LSM14A: variants seen among roughly 807,000 people sequenced by gnomAD.
The protein encoded by LSM14A is LSM14A mRNA processing body assembly factor, also known as protein LSM14 homolog A.
A neutral mutation model predicts 52.4 loss-of-function variants in LSM14A; 14 were observed. The ratio of observed to expected loss-of-function variants is 0.27; its 90% CI spans 0.18 to 0.42. The LOEUF (loss-of-function observed/expected upper bound fraction) is 0.42. LSM14A is among the 10% of genes least tolerant of loss of function. The pLI, the probability that LSM14A is intolerant of heterozygous loss-of-function variation, is 1.00. For missense variants in LSM14A, 417 were observed against 581.8 expected (o/e 0.72, Z 2.91); for synonymous variants, 185 against 200.3 (o/e 0.92, Z 0.64).
At chr19:34,226,509 G>C in intron 9 of LSM14A, 1 of 1,459,840 alleles carries the variant, frequency 6.9e-7, no homozygotes, top group Non-Finnish European at 9.1e-7. Context: ...TTGGCTTTGT[G>C]GGGGACAGCA....
chr19:34,191,426 C>G (rs140423117), intron 1 of LSM14A, among the ~76,000 whole-genome samples: 1 of 152,074 alleles, frequency 6.6e-6, no homozygotes, highest in Non-Finnish European at 1.5e-5. Context: ...AAGACCGTGT[C>G]CTCTTTGATT....
chr19:34,202,365 C>T (rs996085719), intron 3 of LSM14A, among the ~76,000 whole-genome samples: 2 of 151,214 alleles, frequency 1.3e-5, no homozygotes, highest in African/African-American at 4.9e-5. Flanking sequence ...TGGTGGCACA[C>T]TCCTGTAATC....
chr19:34,226,805 G>A (rs1403483653), intron 9 of LSM14A, among the ~76,000 whole-genome samples: 1 of 152,086 alleles, frequency 6.6e-6, no homozygotes, highest in Non-Finnish European at 1.5e-5. Context: ...TTCCTCACTG[G>A]TTACTTTTTA....
chr19:34,210,933 G>A (rs900852906), intron 4 of LSM14A, among the ~76,000 whole-genome samples: 3 of 152,010 alleles, frequency 2.0e-5, no homozygotes, highest in Admixed American at 6.5e-5. Context: ...ATTGAAATTA[G>A]CATTATTCAT....
At chr19:34,185,866 A>G (rs900765768) in intron 1 of LSM14A, among the ~76,000 whole-genome samples, 4 of 152,212 alleles carry the variant, frequency 2.6e-5, no homozygotes, top group Admixed American at 6.6e-5. Flanking sequence ...CTGCTTTTGC[A>G]TGTAGACTGT....
chr19:34,193,620 G>A (rs1044021221), intron 1 of LSM14A, among the ~76,000 whole-genome samples: 3 of 152,134 alleles, frequency 2.0e-5, no homozygotes, highest in African/African-American at 7.2e-5. Context: ...TAATTATATG[G>A]TAGATATTTT....
chr19:34,196,675 T>G lies in LSM14A; in HGVS notation c.327T>G (p.Gly109=), dbSNP rs1238284338. ...GSSTSSFQSM[G]SYGPFGRMPT... ...CGACTTCTTCATTCCAGTCCATGGG[T>G]TCTTATGGACCTTTCGGCAGGATGC... Residue 109 remains glycine (G), a synonymous_variant, in exon 3 of 10, where the codon GGT becomes GGG. Coordinates refer to ENST00000544216, the MANE Select transcript of LSM14A (RefSeq NM_015578.4). 1 of 1,612,684 alleles carries G rather than the reference T, an allele frequency of 6.2e-7. No homozygotes were observed. Among genetic ancestry groups the G allele is most frequent in the Non-Finnish European group, 8.5e-7 (1 of 1,179,242 alleles).
At chr19:34,180,075 A>G (rs573346854) in intron 1 of LSM14A, among the ~76,000 whole-genome samples, 13 of 152,010 alleles carry the variant, frequency 8.6e-5, no homozygotes, top group Non-Finnish European at 1.8e-4. Context: ...ACACACCACC[A>G]CACCCAGCTA....
At chr19:34,206,868 A>G (rs992910894) in intron 3 of LSM14A, among the ~76,000 whole-genome samples, 1 of 152,242 alleles carries the variant, frequency 6.6e-6, no homozygotes, top group Non-Finnish European at 1.5e-5. Flanking sequence ...AGGATTGTAT[A>G]TGATGACAAA....
At chr19:34,218,014 T>C (rs66955810) in intron 6 of LSM14A, among the ~76,000 whole-genome samples, 21,384 of 87,896 alleles carry the variant, frequency 0.24, 2,049 homozygotes, top group Non-Finnish European at 0.34. Flanking sequence ...TTTTTTTTTT[T>C]CCCCCTGGAG....
At chr19:34,196,878 C>T (rs903792853) in intron 3 of LSM14A, 115 bp downstream of exon 3, 4 of 923,986 alleles carry the variant, frequency 4.3e-6, no homozygotes, top group Admixed American at 6.6e-5. Flanking sequence ...CCTTTTGTAA[C>T]TTTGTTTTAT....
intron 1 of LSM14A, among the ~76,000 whole-genome samples, 179 bp from the exon 2 acceptor site, chr19:34,194,299 C>T (rs944863274): frequency 5.9e-5 from 9 of 152,162 alleles, no homozygotes; most frequent in Non-Finnish European, 1.3e-4. Context: ...TATTTAACTT[C>T]GGGCAAAAGC....
In LSM14A at chr19:34,174,738, A is replaced by T. The variant is rs372821029; in HGVS notation, c.121+1975A>T. Among the ~76,000 whole-genome samples the T allele has an allele frequency of 7.9e-5, 12 of 152,320 alleles. No individual in the cohort carries two copies. In the East Asian group the frequency reaches 1.2e-3, roughly 15 times the overall value. ...TGAAAAAGCCTCTCTTTATGAAATT[A>T]TGAAAAGTGCTGGGTGAGAGCCAGA... On this transcript the variant is annotated intron_variant, in intron 1 of 9. Transcript: ENST00000544216.
chr19:34,218,428 T>C (rs1021845671), intron 6 of LSM14A, among the ~76,000 whole-genome samples: 10 of 152,370 alleles, frequency 6.6e-5, no homozygotes, highest in African/African-American at 2.4e-4. Flanking sequence ...CTGGATATGC[T>C]GCTGTGGGGT....
intron 9 of LSM14A, among the ~76,000 whole-genome samples, chr19:34,224,881 G>A (rs1036862096): frequency 6.6e-6 from 1 of 152,182 alleles, no homozygotes; most frequent in Non-Finnish European, 1.5e-5. Context: ...TTTGGTGGGA[G>A]ACAGACATAG....
chr19:34,216,987 C>A (rs2072648831), intron 6 of LSM14A, among the ~76,000 whole-genome samples: 1 of 152,154 alleles, frequency 6.6e-6, no homozygotes, highest in African/African-American at 2.4e-5. Context: ...AGAGGCCAGG[C>A]ACGGTGGCTC....
chr19:34,184,118 C>T (rs752241063), intron 1 of LSM14A, among the ~76,000 whole-genome samples: 3 of 149,330 alleles, frequency 2.0e-5, no homozygotes, highest in Admixed American at 1.4e-4. Flanking sequence ...TGCAATGGCG[C>T]AATCTTGGCT....
chr19:34,221,844 A>G, intron 9 of LSM14A, 106 bp downstream of exon 9: 1 of 1,457,240 alleles, frequency 6.9e-7, no homozygotes. Flanking sequence ...AGGACATTAG[A>G]ATAACTTCCA....
intron 3 of LSM14A, among the ~76,000 whole-genome samples, chr19:34,197,294 T>A (rs1051521500): frequency 1.1e-4 from 16 of 152,124 alleles, no homozygotes; most frequent in Non-Finnish European, 2.4e-4. Context: ...TTTCACTGTG[T>A]TGGCCAGGCA....
Sources: gnomAD v4.1 joint callset for allele counts (sites outside exome capture counted in the v4.1 genomes callset) on GRCh38, gnomAD v4.1.1 for gene constraint, MANE v1.5 for transcripts, NCBI Gene and HGNC (gene_info 2026-07-23, HGNC 2026-07-21) for gene names.